Variants in VPS33A observed in about 807,000 individuals in gnomAD.
VPS33A encodes the protein vacuolar protein sorting-associated protein 33A.
In VPS33A, 32 loss-of-function variants were observed where a neutral mutation model predicts 71.8. The ratio of observed to expected loss-of-function variants is 0.45; its 90% CI spans 0.34 to 0.60. The LOEUF (loss-of-function observed/expected upper bound fraction) is 0.60. Among genes scored for constraint, VPS33A ranks in the 20% least tolerant of loss-of-function variants. VPS33A has a pLI of 0.02. For synonymous variants in VPS33A, 311 were observed against 292.7 expected, an observed-to-expected ratio of 1.06 and a Z score of -0.64; for missense variants, 625 against 748.5, an observed-to-expected ratio of 0.84 and a Z score of 1.92.
rs774545060 is a variant in VPS33A at position 122,244,716 on chromosome 12, G to A, written c.822C>T (p.Gly274=). ...CCGTGGGGAGGTCCTTACCACCATC[G>A]CCCTGTTTCTTAGGTGCAAATTTCT... ...PPEKFAPKKQ[G]DGGKDLPTEA... Residue 274 remains glycine (G), a synonymous_variant, in exon 7 of 13, where the codon GGC becomes GGT. Coordinates refer to ENST00000267199, the MANE Select transcript of VPS33A (RefSeq NM_022916.6). 8 of 1,613,942 alleles carry A rather than the reference G, an allele frequency of 5.0e-6. No individual in the cohort carries two copies. The highest frequency in any genetic ancestry group is 2.2e-5 in the East Asian group (1 of 44,882).
At position 122,261,288 on chromosome 12, in the gene VPS33A, T is replaced by C. The variant is rs768393842; in HGVS notation, c.456A>G (p.Leu152=). 49 of 1,608,054 alleles carry C rather than the reference T, an allele frequency of 3.0e-5. No homozygotes were observed. Among genetic ancestry groups the C allele is most frequent in the Non-Finnish European group, 3.9e-5 (46 of 1,178,416 alleles). ...TGAATGCACCCTCTGATTCCATGGA[T>C]AAGAGATCCCCATCGAATGGAATGA... ...LDLIPFDGDL[L]SMESEGAFKE... Residue 152 remains leucine (L), a synonymous_variant, in exon 4 of 13, where the codon TTA becomes TTG. Transcript: ENST00000267199.
chr12:122,239,998 G>A, intron 8 of VPS33A, 53 bp from the exon 9 acceptor site: 1 of 1,358,744 alleles, frequency 7.4e-7, no homozygotes, highest in Non-Finnish European at 1.0e-6. Context: ...TAATTTACTT[G>A]AGTGGCATGC....
chr12:122,250,920 T>C, intron 5 of VPS33A, 63 bp downstream of exon 5: 1 of 1,206,318 alleles, frequency 8.3e-7, no homozygotes, highest in Non-Finnish European at 1.2e-6. Flanking sequence ...GAGCTTCCCG[T>C]TCCTCCTCCC....
chr12:122,246,290 T>TTTTA (rs138644669), intron 6 of VPS33A, among the ~76,000 whole-genome samples: 2,742 of 150,936 alleles, frequency 0.018, 59 homozygotes, highest in African/African-American at 0.049. Flanking sequence ...CTCTCTCTTA[T>TTTTA]TTTATTTATT....
chr12:122,261,129 G>T, intron 4 of VPS33A, 132 bp downstream of exon 4: 1 of 739,258 alleles, frequency 1.4e-6, no homozygotes, highest in Non-Finnish European at 2.0e-6. Context: ...ACAATTTGTT[G>T]AACAGAAAAT....
chr12:122,258,597 GA>G (rs1428130207), intron 4 of VPS33A, among the ~76,000 whole-genome samples: 2 of 152,010 alleles, frequency 1.3e-5, no homozygotes, highest in Non-Finnish European at 2.9e-5. Flanking sequence ...ACAGGCACAA[GA>G]AAAGATGATC....
chr12:122,252,211 C>T (rs561551383), intron 4 of VPS33A, among the ~76,000 whole-genome samples: 37 of 152,214 alleles, frequency 2.4e-4, no homozygotes, highest in East Asian at 1.5e-3. Context: ...GAGCTATGTT[C>T]GCACCGCCAC....
At chr12:122,245,101 C>T (rs955925535) in intron 6 of VPS33A, among the ~76,000 whole-genome samples, 3 of 152,040 alleles carry the variant, frequency 2.0e-5, no homozygotes, top group African/African-American at 7.2e-5. Context: ...GATCATGTTC[C>T]ATTAGTGGAT....
At chr12:122,240,026 G>A (rs1954692015) in intron 8 of VPS33A, 81 bp from the exon 9 acceptor site, 15 of 1,106,824 alleles carry the variant, frequency 1.4e-5, no homozygotes, top group Admixed American at 3.7e-5. Flanking sequence ...CACAGAGCAC[G>A]ATTCAGAAAC....
chr12:122,235,913 T>C lies in VPS33A; in HGVS notation c.1313A>G (p.Tyr438Cys), dbSNP rs1297136086. The C allele has an allele frequency of 6.8e-6, 11 of 1,608,404 alleles. No homozygotes were observed. Among genetic ancestry groups the C allele is most frequent in the African/African-American group, 2.7e-5 (2 of 74,568 alleles). Residue 438 changes from tyrosine (Y) to cysteine (C), a missense_variant, in exon 11 of 13, where the codon TAT becomes TGT. Coordinates refer to ENST00000267199, the MANE Select transcript of VPS33A (RefSeq NM_022916.6). ...GTTGTGTAAGGTCAATATGTGCTCA[T>C]AGCCGTATGTCTGCAAGGGAAGTCA... ...YKREILQTYGYEHILTLHNLE... is the reference protein window; with the variant it reads ...YKREILQTYGCEHILTLHNLE...
At chr12:122,260,662 T>C (rs1416325519) in intron 4 of VPS33A, among the ~76,000 whole-genome samples, 1 of 152,168 alleles carries the variant, frequency 6.6e-6, no homozygotes, top group Non-Finnish European at 1.5e-5. Context: ...CTACTTTTAA[T>C]GGGAAGTGTC....
rs577755714 is a variant in VPS33A, at chr12:122,239,998, G to C, written c.1097-53C>G. 1.4e-4 allele frequency: 190 copies of C among 1,358,744 alleles called. 1 individual carries two copies. In the African/African-American group the frequency reaches 2.4e-3, roughly 17 times the overall value. 84.2% of individuals were successfully genotyped at this position (1,358,744 alleles called of 1,614,324 possible). On this transcript the variant is annotated intron_variant, in intron 8 of 12. Coordinates refer to ENST00000267199, the MANE Select transcript of VPS33A (RefSeq NM_022916.6). ...TTAGAAATTAAATGTTAATTTACTT[G>C]AGTGGCATGCTTTTATACACAGAGC...
At chr12:122,240,653 G>T (rs941188233) in intron 8 of VPS33A, among the ~76,000 whole-genome samples, 1 of 152,140 alleles carries the variant, frequency 6.6e-6, no homozygotes, top group South Asian at 2.1e-4. Flanking sequence ...CTTAAGATTC[G>T]AAGTATACTT....
Position 122,232,920 on chromosome 12 carries a change from C to G in VPS33A, c.1489G>C (p.Val497Leu). 2 of 1,614,062 alleles carry G rather than the reference C, an allele frequency of 1.2e-6. No individual in the cohort carries two copies. Among genetic ancestry groups the G allele is most frequent in the Non-Finnish European group, 1.7e-6 (2 of 1,180,020 alleles). The change falls in exon 12 of 13, where the codon GTG becomes CTG. Residue 497 changes from valine (V) to leucine (L), a missense_variant. Transcript: ENST00000267199. ...YVYSGYAPLS[V>L]RLAQLLSRPG... ...CGGGAAAGCAGCTGGGCCAGCCGCA[C>G]ACTGAGCGGGGCATACCCACTGTAC...
At chr12:122,232,490 TCAAA>T in intron 12 of VPS33A, 63 bp from the exon 13 acceptor site, 1 of 1,450,016 alleles carries the variant, frequency 6.9e-7, no homozygotes, top group Non-Finnish European at 9.3e-7. Context: ...TCCCACCTCT[TCAAA>T]CATTTTATCA....
chr12:122,240,049 T>A, intron 8 of VPS33A, 104 bp from the exon 9 acceptor site: 1 of 847,794 alleles, frequency 1.2e-6, no homozygotes, highest in Non-Finnish European at 1.9e-6. Flanking sequence ...GACATGTGGC[T>A]GGGCACGGTG....
At position 122,242,417 on chromosome 12, in the gene VPS33A, T is replaced by C. The variant is rs138405241; in HGVS notation, c.1061A>G (p.His354Arg). The C allele has an allele frequency of 1.9e-6, 3 of 1,614,042 alleles. No individual in the cohort carries two copies. In the African/African-American group the frequency reaches 4.0e-5, roughly 22 times the overall value. ...TTTGATCAATTCTGCAATTGAGGTA[T>C]GGTTTGCAAGCGAGCCCCTTGCTGC... ...MQAARGSLANHTSIAELIKDV... is the reference protein window; with the variant it reads ...MQAARGSLANRTSIAELIKDV... The change falls in exon 8 of 13, where the codon CAT becomes CGT. Residue 354 changes from histidine to arginine, a missense_variant. By Grantham distance (29) the His-to-Arg change is conservative. Coordinates refer to ENST00000267199, the MANE Select transcript of VPS33A (RefSeq NM_022916.6).
chr12:122,237,995 G>A (rs1173735108), intron 10 of VPS33A, among the ~76,000 whole-genome samples: 2 of 151,362 alleles, frequency 1.3e-5, no homozygotes, highest in Non-Finnish European at 2.9e-5. Context: ...TATGTTGCCA[G>A]GCTGGTCTTG....
chr12:122,236,791 A>G (rs749065967), intron 10 of VPS33A, among the ~76,000 whole-genome samples: 7 of 152,212 alleles, frequency 4.6e-5, no homozygotes, highest in African/African-American at 7.2e-5. Flanking sequence ...AGAGATGTTT[A>G]AATAACCTGC....
Sources: gnomAD v4.1 joint callset for allele counts (sites outside exome capture counted in the v4.1 genomes callset) on GRCh38, gnomAD v4.1.1 for gene constraint, MANE v1.5 for transcripts, NCBI Gene and HGNC (gene_info 2026-07-23, HGNC 2026-07-21) for gene names.